The following CSMD1 variants were observed in gnomAD, a reference collection of about 807,000 sequenced individuals.
CSMD1 encodes the protein CUB and Sushi multiple domains 1.
CSMD1 carries 213 observed loss-of-function variants against 417.5 expected under a neutral mutation model. That is an observed-to-expected ratio of 0.51 (90% CI 0.46 to 0.57). The LOEUF is 0.57. Among genes scored for constraint, CSMD1 ranks in the 20% least tolerant of loss-of-function variants. The pLI is 0.00. For synonymous variants in CSMD1, 2,862 were observed against 1,736.8 expected, an observed-to-expected ratio of 1.65 and a Z score of -16.11; for missense variants, 6,923 against 4,529.7, an observed-to-expected ratio of 1.53 and a Z score of -15.17.
intron 12 of CSMD1, among the ~76,000 whole-genome samples, chr8:3,421,891 G>A (rs558571000): frequency 3.4e-5 from 5 of 146,682 alleles, no homozygotes; most frequent in Non-Finnish European, 7.4e-5. Context: ...ACCCACCTTG[G>A]CCGCCCAAAG....
At chr8:3,452,759 G>A (rs192710609) in intron 12 of CSMD1, among the ~76,000 whole-genome samples, 2 of 152,178 alleles carry the variant, frequency 1.3e-5, no homozygotes, top group African/African-American at 2.4e-5. Context: ...GTTCATCAGG[G>A]ATATTGGTCT....
chr8:4,017,996 C>T (rs559298992), intron 4 of CSMD1, among the ~76,000 whole-genome samples: 3 of 152,256 alleles, frequency 2.0e-5, no homozygotes, highest in South Asian at 4.2e-4. Context: ...TGATTAATTG[C>T]TTCATGAGTA....
chr8:3,454,356 T>C (rs1430888873), intron 12 of CSMD1, among the ~76,000 whole-genome samples: 3 of 152,234 alleles, frequency 2.0e-5, no homozygotes, highest in Admixed American at 2.0e-4. Context: ...TCAGTTATTA[T>C]GATGTTAGCT....
intron 3 of CSMD1, among the ~76,000 whole-genome samples, chr8:4,103,345 G>C (rs1193812470): frequency 1.3e-5 from 2 of 151,360 alleles, no homozygotes; most frequent in African/African-American, 2.4e-5. Flanking sequence ...GTAGAAAAAA[G>C]TTGGTTTTGA....
chr8:3,609,912 C>T (rs148225420), intron 8 of CSMD1, among the ~76,000 whole-genome samples: 5,399 of 141,038 alleles, frequency 0.038, 238 homozygotes, highest in East Asian at 0.14. Flanking sequence ...AACGATTCTC[C>T]TGCCTCAGCC....
intron 2 of CSMD1, among the ~76,000 whole-genome samples, chr8:4,556,526 C>A (rs933150474): frequency 1.3e-5 from 2 of 152,082 alleles, no homozygotes; most frequent in African/African-American, 4.8e-5. Flanking sequence ...TATCTCTCAA[C>A]CTCAGTTCCT....
intron 6 of CSMD1, among the ~76,000 whole-genome samples, chr8:3,726,933 A>G (rs2129046308): frequency 6.6e-6 from 1 of 152,358 alleles, no homozygotes; most frequent in South Asian, 2.1e-4. Context: ...ATAACCTAAC[A>G]ATTAATGACT....
intron 41 of CSMD1, among the ~76,000 whole-genome samples, chr8:3,135,843 G>A (rs1818048870): frequency 1.3e-5 from 2 of 152,150 alleles, no homozygotes; most frequent in Non-Finnish European, 2.9e-5. Flanking sequence ...AGTAGGAGAA[G>A]CAGGGTCCTG....
intron 5 of CSMD1, among the ~76,000 whole-genome samples, chr8:3,956,136 G>A (rs953025074): frequency 1.3e-5 from 2 of 151,926 alleles, no homozygotes; most frequent in Non-Finnish European, 1.5e-5. Flanking sequence ...ACCAGATCCT[G>A]GACCAAAATC....
Position 3,905,849 on chromosome 8 carries a change from G to A in CSMD1, c.818+92054C>T, listed in dbSNP as rs547059791. On this transcript the variant is annotated intron_variant, in intron 5 of 69. Transcript: ENST00000635120. ...TGGGCCTGGCATTCTAGTTCCTTCCGGACTGTGGACCCAATTTAGCAGAAG... is the reference window on the plus strand; with the variant it reads ...TGGGCCTGGCATTCTAGTTCCTTCCAGACTGTGGACCCAATTTAGCAGAAG... 2.2e-3 allele frequency among the ~76,000 whole-genome samples: 337 copies of A among 152,214 alleles called. 1 individual carries two copies. The highest frequency in any genetic ancestry group is 7.6e-3 in the African/African-American group (314 of 41,526).
At chr8:3,284,400 C>T (rs1802986245) in intron 25 of CSMD1, 54 bp from the exon 26 acceptor site, 7 of 1,372,426 alleles carry the variant, frequency 5.1e-6, no homozygotes, top group East Asian at 2.3e-5. Flanking sequence ...ATGTCCTGAC[C>T]CCATAGCTGT....
chr8:4,503,498 G>T (rs1212118113), intron 2 of CSMD1, among the ~76,000 whole-genome samples: 2 of 152,042 alleles, frequency 1.3e-5, no homozygotes, highest in African/African-American at 4.8e-5. Context: ...TATATTCTTA[G>T]AAAATCCAAG....
intron 1 of CSMD1, among the ~76,000 whole-genome samples, chr8:4,727,443 G>A (rs1312423850): frequency 6.6e-6 from 1 of 152,188 alleles, no homozygotes; most frequent in South Asian, 2.1e-4. Context: ...TTATGCGTAA[G>A]ATAGTTCTAA....
At chr8:3,988,172 C>T (rs1209186232) in intron 5 of CSMD1, among the ~76,000 whole-genome samples, 1 of 152,082 alleles carries the variant, frequency 6.6e-6, no homozygotes, top group Non-Finnish European at 1.5e-5. Flanking sequence ...AAAACTAAAT[C>T]AGAGTCTCTA....
intron 3 of CSMD1, among the ~76,000 whole-genome samples, chr8:4,173,178 A>G (rs1356592344): frequency 6.6e-6 from 1 of 152,172 alleles, no homozygotes; most frequent in Non-Finnish European, 1.5e-5. Context: ...ATAAAAATAC[A>G]GGATGCTCAA....
At chr8:3,001,550 C>A (rs1243350507) in intron 52 of CSMD1, among the ~76,000 whole-genome samples, 2 of 152,112 alleles carry the variant, frequency 1.3e-5, no homozygotes, top group Non-Finnish European at 2.9e-5. Flanking sequence ...TTGTCACTCT[C>A]CTATAGTTGC....
At position 4,365,313 on chromosome 8, in the gene CSMD1, G is replaced by A. The variant is rs186682418; in HGVS notation, c.415+54640C>T. On this transcript the variant is annotated intron_variant, in intron 3 of 69. Transcript: ENST00000635120. ...TAAATTTAGGATTACACCTGATTCT[G>A]AAAACTGTACAACTAATTGAAATGC... is the stretch of plus-strand genomic sequence containing the variant. 2.6e-5 allele frequency among the ~76,000 whole-genome samples: 4 copies of A among 152,274 alleles called. No individual in the cohort carries two copies. In the East Asian group the frequency reaches 7.7e-4, roughly 29 times the overall value.
intron 2 of CSMD1, among the ~76,000 whole-genome samples, chr8:4,486,643 A>T (rs571058831): frequency 1.7e-3 from 260 of 152,272 alleles, no homozygotes; most frequent in Non-Finnish European, 3.0e-3. Flanking sequence ...AAACACTGTG[A>T]CATACATATA....
intron 7 of CSMD1, among the ~76,000 whole-genome samples, chr8:3,638,913 A>T (rs1797173530): frequency 6.6e-6 from 1 of 152,198 alleles, no homozygotes; most frequent in African/African-American, 2.4e-5. Context: ...GACTCCGAAT[A>T]GCCTGATATT....
Sources: gnomAD v4.1 joint callset for allele counts (sites outside exome capture counted in the v4.1 genomes callset) on GRCh38, gnomAD v4.1.1 for gene constraint, MANE v1.5 for transcripts, NCBI Gene and HGNC (gene_info 2026-07-23, HGNC 2026-07-21) for gene names.